The following SPATA6L variants were observed in gnomAD, a reference collection of about 807,000 sequenced individuals.
SPATA6L encodes spermatogenesis associated 6-like protein.
A neutral mutation model predicts 49.2 loss-of-function variants in SPATA6L; 68 were observed. The observed-to-expected ratio is 1.38, with a 90% CI of 1.14 to 1.69. SPATA6L has a LOEUF of 1.69. Among genes scored for constraint, SPATA6L ranks in the 40% most tolerant of loss-of-function variants. The probability of loss-of-function intolerance (pLI) is 0.00; values close to 1 mark genes in which losing one functional copy is unlikely to be tolerated. For synonymous variants in SPATA6L, 198 were observed against 165.7 expected, an observed-to-expected ratio of 1.19 and a Z score of -1.50; for missense variants, 668 against 464.3, an observed-to-expected ratio of 1.44 and a Z score of -4.03.
At chr9:4,607,767 A>T (rs1227095057) in intron 9 of SPATA6L, among the ~76,000 whole-genome samples, 2 of 152,198 alleles carry the variant, frequency 1.3e-5, no homozygotes, top group African/African-American at 2.4e-5. Context: ...TAACATCATC[A>T]TGACAGGATC....
intron 6 of SPATA6L, among the ~76,000 whole-genome samples, chr9:4,623,097 T>C (rs1829702165): frequency 6.6e-6 from 1 of 152,234 alleles, no homozygotes; most frequent in African/African-American, 2.4e-5. Flanking sequence ...CTGACCAGCA[T>C]GGAGAAACCC....
intron 10 of SPATA6L, 41 bp downstream of exon 10, chr9:4,605,306 T>C (rs750911672): frequency 3.4e-6 from 5 of 1,484,742 alleles, no homozygotes; most frequent in Non-Finnish European, 4.7e-6. Flanking sequence ...GTTCACATAT[T>C]ATTTAGTGAG....
rs762985869 is a variant in SPATA6L at position 4,598,723 on chromosome 9, G to A, written c.*2088C>T. Among the ~76,000 whole-genome samples the A allele has an allele frequency of 1.3e-5, 2 of 152,192 alleles. No homozygotes were observed. The highest frequency in any genetic ancestry group is 6.5e-5 in the Admixed American group (1 of 15,274). On this transcript the variant is annotated 3_prime_UTR_variant, in exon 12 of 12. Coordinates refer to ENST00000682582, the MANE Select transcript of SPATA6L (RefSeq NM_001353486.2). The stretch of plus-strand genomic sequence containing the variant: ...GTGCTGCTTTCCTTTAGCTGCTTAC[G>A]TAAGCAGCCCTCTCCTGAGACTTAT...
chr9:4,654,694 G>T (rs1306605698), intron 3 of SPATA6L, among the ~76,000 whole-genome samples: 1 of 152,188 alleles, frequency 6.6e-6, no homozygotes, highest in South Asian at 2.1e-4. Context: ...CCACTCGGCA[G>T]CCCCGGCTCT....
chr9:4,655,944 A>T, intron 3 of SPATA6L, 97 bp downstream of exon 3: 2 of 948,146 alleles, frequency 2.1e-6, no homozygotes, highest in Non-Finnish European at 3.2e-6. Context: ...TTCATCAAAC[A>T]TGAACATATC....
At chr9:4,607,230 A>G (rs1484406855) in intron 9 of SPATA6L, among the ~76,000 whole-genome samples, 2 of 152,254 alleles carry the variant, frequency 1.3e-5, no homozygotes, top group African/African-American at 4.8e-5. Context: ...GCAGGATATT[A>G]TCCAGGAGAA....
intron 1 of SPATA6L, chr9:4,665,254 G>C (rs984215975): frequency 3.7e-5 from 6 of 164,086 alleles, no homozygotes; most frequent in Non-Finnish European, 8.8e-5. Flanking sequence ...ACAAATAATG[G>C]TGAATGAAGT....
At chr9:4,634,759 GC>G (rs144684316) in intron 4 of SPATA6L, among the ~76,000 whole-genome samples, 9,936 of 151,992 alleles carry the variant, frequency 0.065, 515 homozygotes, top group Admixed American at 0.15. Context: ...TTCAGATAAT[GC>G]CCCCCAAAGA....
chr9:4,611,621 G>C (rs1474396865), intron 9 of SPATA6L, among the ~76,000 whole-genome samples: 1 of 138,118 alleles, frequency 7.2e-6, no homozygotes, highest in Non-Finnish European at 1.5e-5. Flanking sequence ...ACACAGGAAG[G>C]GGAACATCAC....
chr9:4,660,877 T>A (rs911581818), intron 2 of SPATA6L, among the ~76,000 whole-genome samples: 1 of 152,222 alleles, frequency 6.6e-6, no homozygotes, highest in Admixed American at 6.5e-5. Flanking sequence ...TCGTGTCCTT[T>A]GTAGGGACAT....
chr9:4,662,889 GC>G lies in SPATA6L; in HGVS notation c.40-854del. The G allele has an allele frequency of 6.2e-7, 1 of 1,607,368 alleles. No homozygotes were observed. The highest frequency in any genetic ancestry group is 8.5e-7 in the Non-Finnish European group (1 of 1,179,948). On this transcript the variant is annotated intron_variant, in intron 1 of 11. Coordinates refer to ENST00000682582, the MANE Select transcript of SPATA6L (RefSeq NM_001353486.2). This position sits in a 1 kb window ranked among gnomAD's most constrained non-coding sequence, Gnocchi z 4.9. ...CGAGGTGCTGATGAACCTGCTCTTC[GC>G]CCTGCTGTTGGACCTGCTGCTGGTG...
chr9:4,626,676 C>A, intron 5 of SPATA6L: 1 of 877,472 alleles, frequency 1.1e-6, no homozygotes, highest in Non-Finnish European at 1.5e-6. Context: ...CTGTTACAGT[C>A]ACAAGTTTGG....
chr9:4,655,998 CA>C (rs754777741), intron 3 of SPATA6L, 42 bp downstream of exon 3: 1 of 1,483,560 alleles, frequency 6.7e-7, no homozygotes, highest in Non-Finnish European at 9.3e-7. Flanking sequence ...GAATTACACA[CA>C]ATAGTCTTTT....
intron 1 of SPATA6L, among the ~76,000 whole-genome samples, 159 bp downstream of exon 1, chr9:4,666,052 GA>G (rs532000900): frequency 9.2e-5 from 12 of 131,054 alleles, no homozygotes; most frequent in Non-Finnish European, 1.9e-4. Context: ...GGAAGTCAGG[GA>G]AAACCAATAT....
chr9:4,632,222 G>A (rs28594983), intron 4 of SPATA6L, among the ~76,000 whole-genome samples: 21,771 of 150,760 alleles, frequency 0.14, 2,566 homozygotes, highest in East Asian at 0.33. Context: ...GTTTCACTGT[G>A]CTGGCCAGGC....
At position 4,619,005 on chromosome 9, in the gene SPATA6L, T is replaced by A. The variant is rs1049839449; in HGVS notation, c.773-107A>T. The A allele has an allele frequency of 4.5e-5, 46 of 1,013,586 alleles. No individual in the cohort carries two copies. The African/African-American group carries it at 6.7e-4, about 15-fold the overall frequency. 62.8% of individuals were successfully genotyped at this position (1,013,586 alleles called of 1,614,324 possible). ...AGTACAAAAATTTTAGACAATGAAT[T>A]AATTATTTAAAAACTTAAATGCTCC... is the stretch of plus-strand genomic sequence containing the variant. On this transcript the variant is annotated intron_variant, in intron 7 of 11. Transcript: ENST00000682582.
At chr9:4,596,043 A>G (rs917614257), downstream of SPATA6L, among the ~76,000 whole-genome samples, 3 of 152,172 alleles carry the variant, frequency 2.0e-5, no homozygotes, top group Admixed American at 6.5e-5. Context: ...TTCAAACTCA[A>G]CTGCTTCTGA....
In SPATA6L at chr9:4,634,276, ATAAAT is replaced by A. The variant is rs1380589773; in HGVS notation, c.351+994_351+998del. On this transcript the variant is annotated intron_variant, in intron 4 of 11. Transcript: ENST00000682582. ...CAATATCCCAATAACTCAAAATAAA[ATAAAT>A]TAAAGGCAAGCTTCTCACATGTACC... Among the ~76,000 whole-genome samples the A allele has an allele frequency of 3.3e-5, 5 of 152,346 alleles. No individual in the cohort carries two copies. The East Asian group carries it at 9.6e-4, about 29-fold the overall frequency.
chr9:4,642,655 T>C (rs533699453), intron 3 of SPATA6L, among the ~76,000 whole-genome samples: 56 of 152,346 alleles, frequency 3.7e-4, no homozygotes, highest in African/African-American at 1.2e-3. Flanking sequence ...CTCTTTGCTT[T>C]AGTTGAGACA....
Sources: allele counts gnomAD v4.1 joint callset (sites outside exome capture counted in the v4.1 genomes callset), GRCh38; gene constraint gnomAD v4.1.1; non-coding constraint Gnocchi (gnomAD v3.1); transcripts MANE v1.5; gene names NCBI Gene and HGNC (gene_info 2026-07-23, HGNC 2026-07-21).